Variants in ZMYND8 observed in about 807,000 individuals in gnomAD.
ZMYND8 encodes the protein zinc finger MYND-type containing 8.
In ZMYND8, 37 loss-of-function variants were observed where a neutral mutation model predicts 140.8. The ratio of observed to expected loss-of-function variants is 0.26; its 90% confidence interval spans 0.20 to 0.35. The LOEUF is 0.35. Ranked by LOEUF, ZMYND8 falls within the 10% of genes least tolerant of loss-of-function variation. The pLI is 1.00. For missense variants in ZMYND8, 1,068 were observed against 1,570.0 expected, an observed-to-expected ratio of 0.68 and a Z score of 5.40; for synonymous variants, 592 against 597.1, an observed-to-expected ratio of 0.99 and a Z score of 0.12.
chr20:47,215,796 C>T (rs779836746), intron 21 of ZMYND8, among the ~76,000 whole-genome samples: 9 of 152,172 alleles, frequency 5.9e-5, no homozygotes, highest in Non-Finnish European at 1.0e-4. Context: ...ATTCCTCAGT[C>T]GCACTAGCCA....
At chr20:47,252,683 G>A (rs2074286837) in intron 12 of ZMYND8, among the ~76,000 whole-genome samples, 1 of 152,206 alleles carries the variant, frequency 6.6e-6, no homozygotes, top group Non-Finnish European at 1.5e-5. Context: ...GCAATTGGGA[G>A]GCTGAGGTGG....
At chr20:47,296,946 C>T (rs542696100) in intron 4 of ZMYND8, among the ~76,000 whole-genome samples, 2 of 152,136 alleles carry the variant, frequency 1.3e-5, no homozygotes, top group African/African-American at 4.8e-5. Flanking sequence ...CAGAACAAGA[C>T]CATGTCTCAA....
intron 21 of ZMYND8, among the ~76,000 whole-genome samples, chr20:47,215,532 G>A (rs6094630): frequency 2.0e-5 from 3 of 150,454 alleles, no homozygotes; most frequent in Non-Finnish European, 4.4e-5. Flanking sequence ...TTAAATATGA[G>A]GTCTCACTCT....
intron 19 of ZMYND8, among the ~76,000 whole-genome samples, chr20:47,222,063 G>A (rs2037043027): frequency 1.3e-5 from 2 of 150,266 alleles, no homozygotes; most frequent in Non-Finnish European, 2.9e-5. Context: ...ATCAACAAGA[G>A]CCAACCTGTA....
At chr20:47,239,982 A>T (rs112731359) in intron 14 of ZMYND8, among the ~76,000 whole-genome samples, 215 of 152,328 alleles carry the variant, frequency 1.4e-3, no homozygotes, top group South Asian at 7.0e-3. Flanking sequence ...CACGCCTGTA[A>T]TCCCAGCACT....
chr20:47,234,964 A>AC, intron 16 of ZMYND8, among the ~76,000 whole-genome samples: 1 of 152,188 alleles, frequency 6.6e-6, no homozygotes, highest in East Asian at 1.9e-4. Flanking sequence ...ACAAAATGAG[A>AC]CCCTGTTTGC....
intron 11 of ZMYND8, among the ~76,000 whole-genome samples, chr20:47,275,494 CAA>C (rs762708679): frequency 8.0e-5 from 9 of 112,522 alleles, no homozygotes; most frequent in African/African-American, 6.4e-5. Flanking sequence ...ACTATGTCTC[CAA>C]AAAAAAAAAA....
chr20:47,342,085 T>C (rs2081943729), intron 2 of ZMYND8, among the ~76,000 whole-genome samples: 1 of 151,102 alleles, frequency 6.6e-6, no homozygotes, highest in Non-Finnish European at 1.5e-5. Flanking sequence ...GGCAGGAGAA[T>C]CATTTGAAAC....
chr20:47,285,957 G>A, intron 8 of ZMYND8: 2 of 510,088 alleles, frequency 3.9e-6, no homozygotes, highest in Non-Finnish European at 5.1e-6. Flanking sequence ...TTTGGAGGCT[G>A]AGGCAGAAGG....
At chr20:47,286,994 T>TA in intron 8 of ZMYND8, among the ~76,000 whole-genome samples, 1 of 151,898 alleles carries the variant, frequency 6.6e-6, no homozygotes, top group Non-Finnish European at 1.5e-5. Flanking sequence ...GACTCAAGGG[T>TA]AAAAAACAAA....
intron 14 of ZMYND8, among the ~76,000 whole-genome samples, chr20:47,241,311 AAAAG>A (rs1368559576): frequency 2.4e-4 from 37 of 152,022 alleles, no homozygotes; most frequent in Non-Finnish European, 4.1e-4. Flanking sequence ...AAAAAAAAAA[AAAAG>A]ATTCTTTAAA....
chr20:47,249,152 C>T (rs1403163692), intron 13 of ZMYND8, 135 bp downstream of exon 13: 3 of 1,066,056 alleles, frequency 2.8e-6, no homozygotes, highest in Non-Finnish European at 3.9e-6. Context: ...TATATTTTAG[C>T]TGAGCAAATA....
At chr20:47,352,366 C>T in intron 1 of ZMYND8, 1 of 816,528 alleles carries the variant, frequency 1.2e-6, no homozygotes, top group Admixed American at 6.2e-5. Flanking sequence ...CCACCAAATA[C>T]CCAGCCCTCT....
At chr20:47,313,438 T>G (rs6018408) in intron 2 of ZMYND8, among the ~76,000 whole-genome samples, 3 of 150,998 alleles carry the variant, frequency 2.0e-5, no homozygotes, top group Non-Finnish European at 3.0e-5. Context: ...CTGGCTAACA[T>G]GGTGAAACCC....
At chr20:47,345,286 A>C (rs2082246022) in intron 2 of ZMYND8, among the ~76,000 whole-genome samples, 1 of 152,142 alleles carries the variant, frequency 6.6e-6, no homozygotes, top group African/African-American at 2.4e-5. Flanking sequence ...TCCTGGCAAA[A>C]GACACACAGG....
rs765492041 is a variant in ZMYND8 at position 47,236,479 on chromosome 20, C to T, written c.2703G>A (p.Thr901=). ...QQKEITQSPS[T]STITLVTSTQ... ...TGCTGGTCACCAGGGTGATGGTGGA[C>T]GTGGATGGGCTCTGTGTGATCTCCT... Residue 901 remains threonine, a synonymous_variant, in exon 16 of 23, where the codon ACG becomes ACA. Transcript: ENST00000471951. The T allele has an allele frequency of 5.6e-6, 9 of 1,604,726 alleles. No homozygotes were observed. The South Asian group carries it at 6.7e-5, about 12-fold the overall frequency.
chr20:47,252,762 T>C (rs1346708619), intron 12 of ZMYND8, among the ~76,000 whole-genome samples: 1 of 151,872 alleles, frequency 6.6e-6, no homozygotes, highest in Admixed American at 6.6e-5. Context: ...CTACTAAAAA[T>C]ATGAAAATTA....
At chr20:47,290,336 C>A in intron 6 of ZMYND8, 62 bp from the exon 7 acceptor site, 2 of 1,432,208 alleles carry the variant, frequency 1.4e-6, no homozygotes, top group Non-Finnish European at 1.9e-6. Flanking sequence ...GTCAGTGACT[C>A]TTGTGTCCCC....
In ZMYND8 at chr20:47,283,699, G is replaced by C. The variant is rs796228987; in HGVS notation, c.805-51C>G. On this transcript the variant is annotated intron_variant, in intron 8 of 22. Transcript: ENST00000471951. The stretch of plus-strand genomic sequence containing the variant: ...GTGTCACCCCAGGGGTGGATATCTT[G>C]TGGACCTCAATCAATGCTTGATGAT... The C allele has an allele frequency of 1.4e-5, 21 of 1,553,516 alleles. No individual in the cohort carries two copies. In the African/African-American group the frequency reaches 2.8e-4, roughly 21 times the overall value.
Sources: gnomAD v4.1 joint callset for allele counts (sites outside exome capture counted in the v4.1 genomes callset) on GRCh38, gnomAD v4.1.1 for gene constraint, MANE v1.5 for transcripts, NCBI Gene and HGNC (gene_info 2026-07-23, HGNC 2026-07-21) for gene names.